PCDHA13: variants seen among roughly 807,000 people sequenced by gnomAD.
The protein encoded by PCDHA13 is protocadherin alpha-13.
A neutral mutation model predicts 64.8 loss-of-function variants in PCDHA13; 54 were observed. That is an observed-to-expected ratio of 0.83 (90% confidence interval 0.67 to 1.04). PCDHA13 has a LOEUF of 1.04. PCDHA13 is among the 50% of genes least tolerant of loss of function. PCDHA13 has a pLI of 0.00. For synonymous variants in PCDHA13, 587 were observed against 564.4 expected (o/e 1.04, Z -0.57); for missense variants, 1,248 against 1,254.3 (o/e 0.99, Z 0.08).
In PCDHA13 at chr5:140,966,434, C is replaced by G. The variant is rs889087342; in HGVS notation, c.2395-12515C>G. 9 of 423,984 alleles carry G rather than the reference C, an allele frequency of 2.1e-5. No individual in the cohort carries two copies. In the Admixed American group the frequency reaches 3.9e-4, roughly 19 times the overall value. The allele number at this position is 423,984 out of a possible 1,614,324, so 26.3% of individuals were successfully genotyped here. On this transcript the variant is annotated intron_variant, in intron 1 of 3. Coordinates refer to ENST00000289272, the MANE Select transcript of PCDHA13 (RefSeq NM_018904.3). ...GAGCAGGACTTGCTGAGCCCTCCTA[C>G]CGCTCCCTTTCCCCCTCCCCCTCTG...
intron 1 of PCDHA13, among the ~76,000 whole-genome samples, chr5:140,900,463 C>T (rs1319110335): frequency 6.6e-6 from 1 of 152,130 alleles, no homozygotes; most frequent in African/African-American, 2.4e-5. Flanking sequence ...TTTTAGTAGA[C>T]ACGGAGTTTC....
intron 1 of PCDHA13, among the ~76,000 whole-genome samples, chr5:140,897,618 T>C: frequency 6.6e-6 from 1 of 152,172 alleles, no homozygotes; most frequent in Non-Finnish European, 1.5e-5. Flanking sequence ...TTCCAAGTCT[T>C]TACTATTGTG....
intron 1 of PCDHA13, among the ~76,000 whole-genome samples, chr5:140,885,158 T>C (rs1250241606): frequency 6.6e-6 from 1 of 152,198 alleles, no homozygotes; most frequent in African/African-American, 2.4e-5. Flanking sequence ...TGATTGTCTC[T>C]ACTTTTTTGT....
At chr5:140,941,214 C>CTTTCTTTCTTTCTTTCTTT (rs1554214039) in intron 1 of PCDHA13, among the ~76,000 whole-genome samples, 2,124 of 122,372 alleles carry the variant, frequency 0.017, 57 homozygotes, top group East Asian at 0.032. Flanking sequence ...TTTCTTTCTT[C>CTTTCTTTCTTTCTTTCTTT]CTTTCTTTCT....
rs142720081 is a variant in PCDHA13, at chr5:141,009,771, T to G, written c.2687T>G (p.Ile896Ser). 1 of 1,614,082 alleles carries G rather than the reference T, an allele frequency of 6.2e-7. No individual in the cohort carries two copies. The change falls in exon 4 of 4, where the codon ATC becomes AGC. Residue 896 changes from isoleucine to serine, a missense_variant. Physicochemically the swap from Ile to Ser is moderately radical, Grantham distance 142. Transcript: ENST00000289272. ...DKFIIPGSPA[I>S]ISIRQEPTNS... ...TTCATTATCCCAGGATCTCCTGCAA[T>G]CATCTCCATCCGGCAGGAGCCTACT...
At chr5:140,920,565 G>A (rs1225212458) in intron 1 of PCDHA13, among the ~76,000 whole-genome samples, 27 of 152,152 alleles carry the variant, frequency 1.8e-4, no homozygotes, top group Admixed American at 1.6e-3. Context: ...TGGCCCTTAG[G>A]CCAGGAGCAG....
At chr5:140,895,653 A>G (rs1247218282) in intron 1 of PCDHA13, among the ~76,000 whole-genome samples, 1 of 152,150 alleles carries the variant, frequency 6.6e-6, no homozygotes, top group Non-Finnish European at 1.5e-5. Flanking sequence ...GCTCCCACTT[A>G]TAAGTGAGAA....
At chr5:140,920,609 G>C (rs1319890021) in intron 1 of PCDHA13, among the ~76,000 whole-genome samples, 1 of 152,160 alleles carries the variant, frequency 6.6e-6, no homozygotes. Flanking sequence ...ACTTTGGGAG[G>C]CCGAGGCGGA....
At chr5:141,002,449 C>G (rs2098081029) in intron 3 of PCDHA13, among the ~76,000 whole-genome samples, 1 of 152,192 alleles carries the variant, frequency 6.6e-6, no homozygotes, top group African/African-American at 2.4e-5. Flanking sequence ...ATAATTGGCA[C>G]ATTTGTATAA....
chr5:140,883,165 T>C lies in PCDHA13; in HGVS notation c.897T>C (p.Asn299=). 1 of 1,613,752 alleles carries C rather than the reference T, an allele frequency of 6.2e-7. No individual in the cohort carries two copies. Among genetic ancestry groups the C allele is most frequent in the Non-Finnish European group, 8.5e-7 (1 of 1,179,968 alleles). ...ATGCATTTACCATAAATCCGAACAA[T>C]GGAGAAATTAGGACAAAAGGCAAAC... ...VVYAFTINPN[N]GEIRTKGKLD... is the part of the protein sequence containing the mutation. The change falls in exon 1 of 4, where the codon AAT becomes AAC. Residue 299 remains asparagine, a synonymous_variant. Transcript: ENST00000289272.
At chr5:140,941,317 CTCT>C (rs2093029316) in intron 1 of PCDHA13, among the ~76,000 whole-genome samples, 2 of 99,150 alleles carry the variant, frequency 2.0e-5, no homozygotes, top group Non-Finnish European at 4.2e-5. Flanking sequence ...TTTCTTCTTT[CTCT>C]TTTTTTTTTT....
At chr5:140,961,617 C>A (rs781986571) in intron 1 of PCDHA13, among the ~76,000 whole-genome samples, 47 of 152,204 alleles carry the variant, frequency 3.1e-4, no homozygotes, top group Middle Eastern at 3.4e-3. Context: ...AACTAAAGTG[C>A]CCATATGAAA....
intron 1 of PCDHA13, among the ~76,000 whole-genome samples, chr5:140,931,320 G>A (rs1350182542): frequency 6.6e-6 from 1 of 151,992 alleles, no homozygotes; most frequent in Non-Finnish European, 1.5e-5. Context: ...TACCAGTAAT[G>A]GCTGTAAAGT....
intron 1 of PCDHA13, among the ~76,000 whole-genome samples, chr5:140,944,308 C>T (rs1385219466): frequency 6.6e-6 from 1 of 152,138 alleles, no homozygotes; most frequent in Non-Finnish European, 1.5e-5. Context: ...CTACCTCAGC[C>T]TCCTGAGTAG....
At chr5:140,904,754 C>G (rs2071365435) in intron 1 of PCDHA13, among the ~76,000 whole-genome samples, 1 of 152,068 alleles carries the variant, frequency 6.6e-6, no homozygotes, top group South Asian at 2.1e-4. Context: ...ACCATTTTTG[C>G]AAGAATAAGA....
Position 140,914,039 on chromosome 5 carries a change from G to A in PCDHA13, c.2394+29377G>A, listed in dbSNP as rs147787020. Among the ~76,000 whole-genome samples the A allele has an allele frequency of 2.0e-5, 3 of 152,238 alleles. No individual in the cohort carries two copies. In the East Asian group the frequency reaches 5.8e-4, roughly 29 times the overall value. ...ATGATCCACGTGCTGAGAAGAATGT[G>A]TATTCTGCAGCTGTTGGATGAAATG... is the stretch of plus-strand genomic sequence containing the variant. On this transcript the variant is annotated intron_variant, in intron 1 of 3. Coordinates refer to ENST00000289272, the MANE Select transcript of PCDHA13 (RefSeq NM_018904.3).
At chr5:140,978,462 G>T (rs939639463) in intron 1 of PCDHA13, among the ~76,000 whole-genome samples, 3 of 152,222 alleles carry the variant, frequency 2.0e-5, no homozygotes, top group Admixed American at 1.3e-4. Flanking sequence ...TCCGCCCTGG[G>T]TCAAATATGC....
At chr5:140,946,826 G>A (rs1161316537) in intron 1 of PCDHA13, among the ~76,000 whole-genome samples, 1 of 151,404 alleles carries the variant, frequency 6.6e-6, no homozygotes, top group African/African-American at 2.4e-5. Context: ...TACCAGAGAT[G>A]GGTAGGGCAG....
intron 1 of PCDHA13, chr5:140,928,020 T>G: frequency 1.2e-6 from 2 of 1,614,182 alleles, no homozygotes; most frequent in Middle Eastern, 1.6e-4. Context: ...GTAGGGTCAT[T>G]TGTGGCATGT....
Sources: gnomAD v4.1 joint callset for allele counts (sites outside exome capture counted in the v4.1 genomes callset) on GRCh38, gnomAD v4.1.1 for gene constraint, MANE v1.5 for transcripts, NCBI Gene and HGNC (gene_info 2026-07-23, HGNC 2026-07-21) for gene names.